FOXN2: variants seen among roughly 807,000 people sequenced by gnomAD.
The protein encoded by FOXN2 is forkhead box N2, also known as forkhead box protein N2.
Under a neutral mutation model 41.2 loss-of-function variants are expected in FOXN2, and 19 were observed. The ratio of observed to expected loss-of-function variants is 0.46; its 90% CI spans 0.32 to 0.68. FOXN2 has a LOEUF of 0.68. Ranked by LOEUF, FOXN2 falls within the 30% of genes least tolerant of loss-of-function variation. The pLI is 0.03. For missense variants in FOXN2, 587 were observed against 509.4 expected (o/e 1.15, Z -1.47); for synonymous variants, 195 against 176.8 (o/e 1.10, Z -0.82).
intron 4 of FOXN2, among the ~76,000 whole-genome samples, chr2:48,361,312 A>G (rs1350697846): frequency 6.6e-6 from 1 of 152,070 alleles, no homozygotes; most frequent in Admixed American, 6.6e-5. Context: ...CCAAAAATAC[A>G]AAAGTCAGCT....
chr2:48,351,819 T>G (rs1671468765), intron 3 of FOXN2, among the ~76,000 whole-genome samples: 1 of 152,164 alleles, frequency 6.6e-6, no homozygotes, highest in African/African-American at 2.4e-5. Context: ...TGGGGACCCC[T>G]AAACTAAAAG....
At chr2:48,373,984 G>A (rs1673072029) in intron 6 of FOXN2, among the ~76,000 whole-genome samples, 1 of 151,824 alleles carries the variant, frequency 6.6e-6, no homozygotes, top group African/African-American at 2.4e-5. Flanking sequence ...GAACCTGGGA[G>A]GTGGGGGTTG....
At chr2:48,373,247 C>G (rs377384083) in intron 5 of FOXN2, 45 bp from the exon 6 acceptor site, 1 of 1,356,916 alleles carries the variant, frequency 7.4e-7, no homozygotes, top group Non-Finnish European at 1.0e-6. Flanking sequence ...AGAATAGCCT[C>G]TCCTTTATAA....
intron 5 of FOXN2, 56 bp downstream of exon 5, chr2:48,362,763 C>T: frequency 7.2e-7 from 1 of 1,390,044 alleles, no homozygotes; most frequent in Non-Finnish European, 1.0e-6. Flanking sequence ...TGGTCAACAA[C>T]AGGCAGTGCA....
chr2:48,338,539 C>T (rs570406702), intron 2 of FOXN2, among the ~76,000 whole-genome samples: 262 of 152,112 alleles, frequency 1.7e-3, no homozygotes, highest in Admixed American at 6.2e-3. Flanking sequence ...GCAGCCGGGA[C>T]CACAGCCGCT....
intron 6 of FOXN2, 146 bp downstream of exon 6, chr2:48,373,506 ACTTT>A: frequency 1.9e-6 from 1 of 524,664 alleles, no homozygotes; most frequent in Non-Finnish European, 3.3e-6. Context: ...GTTTTATTAT[ACTTT>A]CATTAATTTA....
At chr2:48,333,972 A>G (rs1051038146) in intron 2 of FOXN2, among the ~76,000 whole-genome samples, 8 of 152,140 alleles carry the variant, frequency 5.3e-5, no homozygotes, top group African/African-American at 1.9e-4. Context: ...AGGTTTTTAG[A>G]TAAGGGATTG....
Position 48,330,414 on chromosome 2 carries a change from T to A in FOXN2, c.-15+1712T>A, listed in dbSNP as rs558724062. Among the ~76,000 whole-genome samples, 12 of 152,336 alleles carry A rather than the reference T, an allele frequency of 7.9e-5. No homozygotes were observed. The South Asian group carries it at 2.5e-3, about 32-fold the overall frequency. The stretch of plus-strand genomic sequence containing the variant: ...CAGCTTCCATAAAATTCACAAACAT[T>A]TGGATTTCTGGGCTTTGCCATAGCT... On this transcript the variant is annotated intron_variant, in intron 2 of 6. Transcript: ENST00000340553.
intron 2 of FOXN2, among the ~76,000 whole-genome samples, chr2:48,334,232 A>T (rs974599293): frequency 6.6e-6 from 1 of 152,174 alleles, no homozygotes; most frequent in Non-Finnish European, 1.5e-5. Context: ...GGTAAAATAC[A>T]TTTTTTATTA....
chr2:48,319,426 A>G (rs1383404643), intron 1 of FOXN2, among the ~76,000 whole-genome samples: 1 of 152,136 alleles, frequency 6.6e-6, no homozygotes, highest in Admixed American at 6.5e-5. Flanking sequence ...AATAATACCA[A>G]TTTTATTGGA....
At chr2:48,372,413 C>G (rs1427149603) in intron 5 of FOXN2, among the ~76,000 whole-genome samples, 2 of 151,906 alleles carry the variant, frequency 1.3e-5, no homozygotes, top group Non-Finnish European at 2.9e-5. Flanking sequence ...AAATTTCCAC[C>G]TTTGAGATAT....
intron 2 of FOXN2, among the ~76,000 whole-genome samples, chr2:48,329,418 C>T (rs913445930): frequency 2.0e-5 from 3 of 151,306 alleles, no homozygotes; most frequent in Non-Finnish European, 4.4e-5. Context: ...AGAAGGTTTT[C>T]CCCCCACTCA....
chr2:48,338,606 A>G (rs567773422), intron 2 of FOXN2, among the ~76,000 whole-genome samples: 35 of 152,158 alleles, frequency 2.3e-4, no homozygotes, highest in Non-Finnish European at 4.0e-4. Context: ...TCACCGTGCT[A>G]GTCAGGATGG....
chr2:48,348,308 G>A (rs975587367), intron 3 of FOXN2, among the ~76,000 whole-genome samples: 1 of 151,510 alleles, frequency 6.6e-6, no homozygotes, highest in Admixed American at 6.6e-5. Context: ...TCTTTGTTGT[G>A]TTCATTCTGC....
intron 5 of FOXN2, among the ~76,000 whole-genome samples, chr2:48,371,490 C>T (rs1156302183): frequency 2.0e-5 from 3 of 151,888 alleles, no homozygotes; most frequent in Admixed American, 2.0e-4. Flanking sequence ...ATGCCAGTAC[C>T]TTGCTTTTTT....
rs1392307232 is a variant in FOXN2, at chr2:48,375,019, C to A, written c.872C>A (p.Ser291Tyr). ...PSAVRLQESD[S>Y]LATSIDPKED... ...GCTGTACGATTACAAGAGAGTGATT[C>A]TTTAGCCACCAGCATTGATCCAAAA... Residue 291 changes from serine (S) to tyrosine (Y), a missense_variant, in exon 7 of 7, where the codon TCT becomes TAT. Coordinates refer to ENST00000340553, the MANE Select transcript of FOXN2 (RefSeq NM_002158.4). 2 of 1,614,050 alleles carry A rather than the reference C, an allele frequency of 1.2e-6. No homozygotes were observed. Among genetic ancestry groups the A allele is most frequent in the African/African-American group, 2.7e-5 (2 of 75,034 alleles).
At position 48,363,674 on chromosome 2, in the gene FOXN2, A is replaced by T. The variant is rs1437871460; in HGVS notation, c.703+967A>T. Among the ~76,000 whole-genome samples, 5 of 152,280 alleles carry T rather than the reference A, an allele frequency of 3.3e-5. No homozygotes were observed. The East Asian group carries it at 9.6e-4, about 29-fold the overall frequency. The stretch of plus-strand genomic sequence containing the variant: ...ACCCCCTTTTTTGTTCCCTGGCAGA[A>T]ACTAATAGATCATTTACTGTACCTT... On this transcript the variant is annotated intron_variant, in intron 5 of 6. Coordinates refer to ENST00000340553, the MANE Select transcript of FOXN2 (RefSeq NM_002158.4).
intron 5 of FOXN2, among the ~76,000 whole-genome samples, chr2:48,363,867 C>T (rs1371383613): frequency 6.6e-6 from 1 of 152,156 alleles, no homozygotes; most frequent in Non-Finnish European, 1.5e-5. Context: ...ACAAAATCAC[C>T]TAACAGTACA....
rs1673369099 is a variant in FOXN2, at chr2:48,378,272, G to A, written c.*2829G>A. On this transcript the variant is annotated 3_prime_UTR_variant, in exon 7 of 7. Transcript: ENST00000340553. ...AAGAAAACAGATTACCTGAATTCAT[G>A]GAAAAGGTGGATCACCTCCCTTTTT... 6.6e-6 allele frequency: 1 copy of A among 152,148 alleles called. No homozygotes were observed. Among genetic ancestry groups the A allele is most frequent in the Admixed American group, 6.6e-5 (1 of 15,216 alleles). The allele number at this position is 152,148 out of a possible 1,614,324, so 9.4% of individuals were successfully genotyped here. A position where few individuals can be genotyped will look rare whatever the true frequency, so the allele number is the denominator to read the frequency against.
Sources: allele counts gnomAD v4.1 joint callset (sites outside exome capture counted in the v4.1 genomes callset), GRCh38; gene constraint gnomAD v4.1.1; transcripts MANE v1.5; gene names NCBI Gene and HGNC (gene_info 2026-07-23, HGNC 2026-07-21).